STMN3: variants seen among roughly 807,000 people sequenced by gnomAD.
STMN3 encodes the protein stathmin 3.
In STMN3, 24 loss-of-function variants were observed where a neutral mutation model predicts 23.2. That is an observed-to-expected ratio of 1.03 (90% CI 0.75 to 1.45). STMN3 has a LOEUF of 1.45. Among genes scored for constraint, STMN3 ranks in the 40% most tolerant of loss-of-function variants. STMN3 has a pLI of 0.00. For synonymous variants in STMN3, 117 were observed against 103.4 expected (o/e 1.13, Z -0.80); for missense variants, 235 against 237.6 (o/e 0.99, Z 0.07).
chr20:63,643,493 C>A (rs534980524), intron 3 of STMN3, among the ~76,000 whole-genome samples: 1 of 152,278 alleles, frequency 6.6e-6, no homozygotes, highest in Non-Finnish European at 1.5e-5. Context: ...GTTGGCCAGG[C>A]TGATCTTGAA....
chr20:63,647,930 G>T (rs1168365349), intron 1 of STMN3, among the ~76,000 whole-genome samples: 1 of 64,842 alleles, frequency 1.5e-5, no homozygotes, highest in African/African-American at 5.8e-5. Flanking sequence ...ATATATATAC[G>T]TATATATGTG....
rs1430900987 is a variant in STMN3, at chr20:63,641,141, G to T, written c.*197C>A. 1 of 639,584 alleles carries T rather than the reference G, an allele frequency of 1.6e-6. No individual in the cohort carries two copies. Among genetic ancestry groups the T allele is most frequent in the African/African-American group, 1.8e-5 (1 of 55,668 alleles). The allele number at this position is 639,584 out of a possible 1,614,324, so 39.6% of individuals were successfully genotyped here. A position where few individuals can be genotyped will look rare whatever the true frequency, so the allele number is the denominator to read the frequency against. On this transcript the variant is annotated 3_prime_UTR_variant, in exon 5 of 5. Coordinates refer to ENST00000370053, the MANE Select transcript of STMN3 (RefSeq NM_015894.4). Reference sequence around the variant, plus strand: ...CGAGGGACCGCGTCTCACGCCCGGCGGCTCCTGCAGGGGAAGCCGTGGTCA... The same window carrying T: ...CGAGGGACCGCGTCTCACGCCCGGCTGCTCCTGCAGGGGAAGCCGTGGTCA...
chr20:63,650,246 T>C (rs993013563), intron 1 of STMN3, among the ~76,000 whole-genome samples: 1 of 150,778 alleles, frequency 6.6e-6, no homozygotes, highest in African/African-American at 2.4e-5. Flanking sequence ...CTTCAGGGAG[T>C]TAAAAACAAT....
At chr20:63,651,282 A>T (rs2089856938) in intron 1 of STMN3, among the ~76,000 whole-genome samples, 1 of 152,194 alleles carries the variant, frequency 6.6e-6, no homozygotes, top group Non-Finnish European at 1.5e-5. Flanking sequence ...AGGAGGAATG[A>T]AGGCTCAGAG....
rs1451498849 is a variant in STMN3, at chr20:63,639,800, A to G, written c.*1538T>C. ...CGTGGATGAGATGGGTGCATATTAC[A>G]GTAGGCTTTCGCTATGAGCGCTGCC... On this transcript the variant is annotated 3_prime_UTR_variant, in exon 5 of 5. Transcript: ENST00000370053. 1.3e-5 allele frequency: 2 copies of G among 152,398 alleles called. No homozygotes were observed. Among genetic ancestry groups the G allele is most frequent in the Non-Finnish European group, 2.9e-5 (2 of 68,062 alleles). The allele number at this position is 152,398 out of a possible 1,614,324, so 9.4% of individuals were successfully genotyped here. A position where few individuals can be genotyped will look rare whatever the true frequency, so the allele number is the denominator to read the frequency against.
In STMN3 at chr20:63,640,201, C is replaced by G. The variant is rs977196503; in HGVS notation, c.*1137G>C. On this transcript the variant is annotated 3_prime_UTR_variant, in exon 5 of 5. Transcript: ENST00000370053. ...AGAAGTGGGGGATGCTGCAGTGGTA[C>G]AAAGACAGCCTCCCCCACCGCCATC... The G allele has an allele frequency of 1.3e-5, 2 of 152,790 alleles. No homozygotes were observed. The highest frequency in any genetic ancestry group is 4.8e-5 in the African/African-American group (2 of 41,430). The allele number at this position is 152,790 out of a possible 1,614,324, so 9.5% of individuals were successfully genotyped here. A position where few individuals can be genotyped will look rare whatever the true frequency, so the allele number is the denominator to read the frequency against.
At chr20:63,644,127 G>T in intron 2 of STMN3, 87 bp downstream of exon 2, 1 of 1,395,888 alleles carries the variant, frequency 7.2e-7, no homozygotes, top group Non-Finnish European at 1.0e-6. Context: ...AGCCAGGACG[G>T]GAGTTCAGAG....
At chr20:63,648,474 G>A (rs760387874) in intron 1 of STMN3, among the ~76,000 whole-genome samples, 1 of 152,154 alleles carries the variant, frequency 6.6e-6, no homozygotes, top group African/African-American at 2.4e-5. Context: ...AGTGGCTCAC[G>A]CCTGTAATCC....
chr20:63,641,477 G>A, intron 4 of STMN3, 80 bp from the exon 5 acceptor site: 1 of 1,234,204 alleles, frequency 8.1e-7, no homozygotes, highest in East Asian at 2.5e-5. Flanking sequence ...CGCAGGCCGT[G>A]GCGCCCTGGC....
rs549733288 is a variant in STMN3, at chr20:63,653,223, G to A, written c.19+104C>T. 268 of 1,426,982 alleles carry A rather than the reference G, an allele frequency of 1.9e-4. No homozygotes were observed. In the South Asian group the frequency reaches 2.0e-3, roughly 11 times the overall value. 88.4% of individuals were successfully genotyped at this position (1,426,982 alleles called of 1,614,324 possible). On this transcript the variant is annotated intron_variant, in intron 1 of 4. Coordinates refer to ENST00000370053, the MANE Select transcript of STMN3 (RefSeq NM_015894.4). ...CAGGCTTGCAACGCGCAGGGTAGGAGAAGGGAAATTGGCGTCCGCTGCCGG... is the reference window on the plus strand; with the variant it reads ...CAGGCTTGCAACGCGCAGGGTAGGAAAAGGGAAATTGGCGTCCGCTGCCGG...
intron 1 of STMN3, among the ~76,000 whole-genome samples, chr20:63,647,037 G>C (rs1276952772): frequency 6.6e-6 from 1 of 152,024 alleles, no homozygotes; most frequent in Non-Finnish European, 1.5e-5. Flanking sequence ...GCTGGGCGTG[G>C]TGGCTCATGC....
At chr20:63,645,902 G>A (rs1047032994) in intron 1 of STMN3, among the ~76,000 whole-genome samples, 1 of 152,076 alleles carries the variant, frequency 6.6e-6, no homozygotes, top group Non-Finnish European at 1.5e-5. Context: ...GCAGTGAGCC[G>A]AGGTCGCGCC....
chr20:63,651,086 G>A (rs4809320), intron 1 of STMN3, among the ~76,000 whole-genome samples: 123,369 of 151,686 alleles, frequency 0.81, 51,365 homozygotes, highest in African/African-American at 0.94. Context: ...CAGTCTCCCA[G>A]ATTGCTGGGA....
At chr20:63,647,554 T>C (rs1400932150) in intron 1 of STMN3, among the ~76,000 whole-genome samples, 1 of 150,202 alleles carries the variant, frequency 6.7e-6, no homozygotes, top group Non-Finnish European at 1.5e-5. Context: ...AGGCAGAGGT[T>C]GCAGTGAGCT....
intron 3 of STMN3, among the ~76,000 whole-genome samples, chr20:63,643,339 T>G (rs549955736): frequency 6.6e-6 from 1 of 152,232 alleles, no homozygotes; most frequent in African/African-American, 2.4e-5. Context: ...AGGAGTGCAG[T>G]GGCGCAGTCT....
In STMN3 at chr20:63,653,328, G is replaced by A. The variant is rs369025058; in HGVS notation, c.18C>T (p.Ser6=). MASTI[S]AYKEKMKELS... ...AAAGCCCGTGGCCCCGGAGCCTACC[G>A]GAAATGGTGCTGGCCATGGTGCTGG... Residue 6 remains serine, a splice_region_variant and synonymous_variant, in exon 1 of 5, where the codon TCC becomes TCT. Coordinates refer to ENST00000370053, the MANE Select transcript of STMN3 (RefSeq NM_015894.4). The A allele has an allele frequency of 5.8e-6, 9 of 1,547,996 alleles. No homozygotes were observed. In the African/African-American group the frequency reaches 9.6e-5, roughly 17 times the overall value.
In STMN3 at chr20:63,641,210, A is replaced by C. The variant is rs1165232866; in HGVS notation, c.*128T>G. The C allele has an allele frequency of 1.5e-4, 125 of 820,184 alleles. No individual in the cohort carries two copies. The South Asian group carries it at 1.7e-3, about 11-fold the overall frequency. The allele number at this position is 820,184 out of a possible 1,614,324, so 50.8% of individuals were successfully genotyped here. A position where few individuals can be genotyped will look rare whatever the true frequency, so the allele number is the denominator to read the frequency against. On this transcript the variant is annotated 3_prime_UTR_variant, in exon 5 of 5. Transcript: ENST00000370053. ...AGGGCAGGGCGGCTGAGTGCGGAAG[A>C]GAAGCATGAAGCTGGGGGCGGGGGT... is the stretch of plus-strand genomic sequence containing the variant.
intron 1 of STMN3, among the ~76,000 whole-genome samples, chr20:63,651,103 G>A (rs2089855590): frequency 6.6e-6 from 1 of 151,966 alleles, no homozygotes; most frequent in Admixed American, 6.6e-5. Context: ...GGGATCACAG[G>A]AGTGTGTCAC....
At chr20:63,641,599 G>GTT (rs1348217484) in intron 4 of STMN3, among the ~76,000 whole-genome samples, 1 of 152,194 alleles carries the variant, frequency 6.6e-6, no homozygotes, top group Non-Finnish European at 1.5e-5. Context: ...GGGTTTCCTG[G>GTT]GAGCTGGCTG....
Sources: gnomAD v4.1 joint callset for allele counts (sites outside exome capture counted in the v4.1 genomes callset) on GRCh38, gnomAD v4.1.1 for gene constraint, MANE v1.5 for transcripts, NCBI Gene and HGNC (gene_info 2026-07-23, HGNC 2026-07-21) for gene names.